The following INO80D variants were observed in gnomAD, a reference collection of about 807,000 sequenced individuals.
INO80D encodes INO80 complex subunit D.
INO80D carries 21 observed loss-of-function variants against 87.6 expected under a neutral mutation model. The ratio of observed to expected loss-of-function variants is 0.24; its 90% confidence interval spans 0.17 to 0.35. The LOEUF (loss-of-function observed/expected upper bound fraction) is 0.35, where lower values mean the gene tolerates loss of function less well. Ranked by LOEUF, INO80D falls within the 10% of genes least tolerant of loss-of-function variation. INO80D has a pLI of 1.00. For synonymous variants in INO80D, 440 were observed against 491.0 expected (o/e 0.90, Z 1.37); for missense variants, 982 against 1,280.7 (o/e 0.77, Z 3.56).
chr2:206,009,286 G>C (rs1227065488), intron 9 of INO80D, among the ~76,000 whole-genome samples: 1 of 152,112 alleles, frequency 6.6e-6, no homozygotes, highest in Non-Finnish European at 1.5e-5. Flanking sequence ...TGGCCTGGGA[G>C]ACAGAGCAAG....
intron 1 of INO80D, among the ~76,000 whole-genome samples, chr2:206,070,273 A>T (rs1238774004): frequency 6.6e-6 from 1 of 151,646 alleles, no homozygotes; most frequent in African/African-American, 2.4e-5. Context: ...ACAACACAAA[A>T]ATTAGCTGGG....
chr2:206,023,294 T>C (rs989661844), intron 6 of INO80D, among the ~76,000 whole-genome samples: 1 of 152,136 alleles, frequency 6.6e-6, no homozygotes, highest in Non-Finnish European at 1.5e-5. Flanking sequence ...TTTATGTATC[T>C]TTTTTTGAAA....
intron 5 of INO80D, among the ~76,000 whole-genome samples, chr2:206,044,156 G>A (rs1188700726): frequency 1.3e-5 from 2 of 152,028 alleles, no homozygotes; most frequent in African/African-American, 4.8e-5. Context: ...TCATGCCACT[G>A]CACTCTACTG....
In INO80D at chr2:206,063,196, A is replaced by G; in HGVS notation, c.-75T>C. On this transcript the variant is annotated 5_prime_UTR_variant, in exon 2 of 11. Transcript: ENST00000403263. ...CCATAGCAATGTTAAGAGAACCCCCAAGGATACCACAGTTTGGAATGCCGC... is the reference window on the plus strand; with the variant it reads ...CCATAGCAATGTTAAGAGAACCCCCGAGGATACCACAGTTTGGAATGCCGC... 6 of 607,122 alleles carry G rather than the reference A, an allele frequency of 9.9e-6. No individual in the cohort carries two copies. The highest frequency in any genetic ancestry group is 2.1e-5 in the South Asian group (1 of 47,706). The allele number at this position is 607,122 out of a possible 1,614,324, so 37.6% of individuals were successfully genotyped here.
chr2:206,075,733 C>A (rs953998307), intron 1 of INO80D, among the ~76,000 whole-genome samples: 1 of 151,542 alleles, frequency 6.6e-6, no homozygotes, highest in African/African-American at 2.4e-5. Context: ...CCACCGTGCC[C>A]AGTTCATACC....
chr2:206,018,489 T>A (rs2105816349), intron 7 of INO80D, among the ~76,000 whole-genome samples: 1 of 152,276 alleles, frequency 6.6e-6, no homozygotes, highest in Non-Finnish European at 1.5e-5. Flanking sequence ...GAAAATTTTC[T>A]GCCTATGATA....
At position 206,001,563 on chromosome 2, in the gene INO80D, A is replaced by G. The variant is rs1229731089; in HGVS notation, c.*2805T>C. 1 of 152,224 alleles carries G rather than the reference A, an allele frequency of 6.6e-6. No individual in the cohort carries two copies. The highest frequency in any genetic ancestry group is 6.5e-5 in the Admixed American group (1 of 15,278). The allele number at this position is 152,224 out of a possible 1,614,324, so 9.4% of individuals were successfully genotyped here. A position where few individuals can be genotyped will look rare whatever the true frequency, so the allele number is the denominator to read the frequency against. On this transcript the variant is annotated 3_prime_UTR_variant, in exon 11 of 11. Coordinates refer to ENST00000403263, the MANE Select transcript of INO80D (RefSeq NM_017759.5). ...ATACTAATTTTCATATTTCTGGAGTAAAAGCCACTTCATTCCTTTCTATAC... is the reference window on the plus strand; with the variant it reads ...ATACTAATTTTCATATTTCTGGAGTGAAAGCCACTTCATTCCTTTCTATAC...
intron 3 of INO80D, among the ~76,000 whole-genome samples, chr2:206,060,463 C>A (rs1230253204): frequency 6.7e-6 from 1 of 150,108 alleles, no homozygotes; most frequent in Non-Finnish European, 1.5e-5. Flanking sequence ...AATCAGGAGG[C>A]AGAGGTTGCA....
At chr2:206,056,133 C>A in intron 4 of INO80D, 65 bp downstream of exon 4, 1 of 1,463,360 alleles carries the variant, frequency 6.8e-7, no homozygotes, top group Non-Finnish European at 9.2e-7. Flanking sequence ...GAAAGGGAAG[C>A]TCCACACAAC....
Position 206,046,621 on chromosome 2 carries a change from G to C in INO80D, c.965-9C>G. 8 of 1,564,084 alleles carry C rather than the reference G, an allele frequency of 5.1e-6. No homozygotes were observed. The highest frequency in any genetic ancestry group is 7.0e-6 in the Non-Finnish European group (8 of 1,140,098). On this transcript the variant is annotated splice_polypyrimidine_tract_variant and intron_variant, in intron 4 of 10. Coordinates refer to ENST00000403263, the MANE Select transcript of INO80D (RefSeq NM_017759.5). ...TTCAGACCAGTCCAAACCTGGGTTA[G>C]ACAGGAGATATTGCAAATTAGAAAA...
rs980507301 is a variant in INO80D, at chr2:206,078,118, G to T, written c.-124+7783C>A. Reference sequence around the variant, plus strand: ...GACCCAGAACTTCCAGCTCTTCCATGTTATTAAAAGAAGATAGGGCCAAGC... The same window carrying T: ...GACCCAGAACTTCCAGCTCTTCCATTTTATTAAAAGAAGATAGGGCCAAGC... On this transcript the variant is annotated intron_variant, in intron 1 of 10. Coordinates refer to ENST00000403263, the MANE Select transcript of INO80D (RefSeq NM_017759.5). Among the ~76,000 whole-genome samples the T allele has an allele frequency of 3.7e-5, 5 of 133,546 alleles. No homozygotes were observed. In the East Asian group the frequency reaches 1.2e-3, roughly 33 times the overall value. The allele number at this position is 133,546 out of a possible 152,430, so 87.6% of individuals were successfully genotyped here. A position where few individuals can be genotyped will look rare whatever the true frequency, so the allele number is the denominator to read the frequency against.
chr2:206,029,738 A>G (rs972268997), intron 5 of INO80D, among the ~76,000 whole-genome samples: 2 of 152,188 alleles, frequency 1.3e-5, no homozygotes, highest in Admixed American at 1.3e-4. Flanking sequence ...CATTTATTCA[A>G]CATTCAACAT....
Position 206,063,194 on chromosome 2 carries a change from C to T in INO80D, c.-73G>A, listed in dbSNP as rs1022947839. On this transcript the variant is annotated 5_prime_UTR_variant, in exon 2 of 11. Transcript: ENST00000403263. ...CACCATAGCAATGTTAAGAGAACCC[C>T]CAAGGATACCACAGTTTGGAATGCC... 1.7e-6 allele frequency: 1 copy of T among 605,652 alleles called. No homozygotes were observed. The highest frequency in any genetic ancestry group is 2.9e-6 in the Non-Finnish European group (1 of 348,562). The allele number at this position is 605,652 out of a possible 1,614,324, so 37.5% of individuals were successfully genotyped here. A position where few individuals can be genotyped will look rare whatever the true frequency, so the allele number is the denominator to read the frequency against.
rs1402592804 is a variant in INO80D, at chr2:206,017,631, TAC to T, written c.1542+47_1542+48del. On this transcript the variant is annotated intron_variant, in intron 8 of 10. Transcript: ENST00000403263. ...TTGTGCTAAGTTATAAAATACTTCC[TAC>T]AGTGGATAGCTACAAAAAGTTTGAA... 2.8e-6 allele frequency: 4 copies of T among 1,447,298 alleles called. No homozygotes were observed. The Admixed American group carries it at 1.0e-4, about 38-fold the overall frequency. 89.7% of individuals were successfully genotyped at this position (1,447,298 alleles called of 1,614,324 possible).
At chr2:206,015,887 CAA>C (rs879430832) in intron 8 of INO80D, among the ~76,000 whole-genome samples, 1 of 142,078 alleles carries the variant, frequency 7.0e-6, no homozygotes, top group Non-Finnish European at 1.5e-5. Context: ...ACTCTGTCTC[CAA>C]AAAAAAAAAA....
chr2:206,008,176 G>GT (rs1688077623), intron 9 of INO80D, among the ~76,000 whole-genome samples: 1 of 151,820 alleles, frequency 6.6e-6, no homozygotes, highest in Non-Finnish European at 1.5e-5. Flanking sequence ...TAGAGACGGG[G>GT]TTTACCCATG....
chr2:206,045,222 C>G (rs897847929), intron 5 of INO80D, among the ~76,000 whole-genome samples: 1 of 152,018 alleles, frequency 6.6e-6, no homozygotes, highest in Non-Finnish European at 1.5e-5. Flanking sequence ...GTTTAGTGAC[C>G]ATTTGTACTA....
intron 5 of INO80D, among the ~76,000 whole-genome samples, chr2:206,039,801 C>T (rs1159532562): frequency 7.9e-6 from 1 of 126,030 alleles, no homozygotes; most frequent in Non-Finnish European, 1.7e-5. Flanking sequence ...CAGAGTGAGC[C>T]TCTGTCTCCA....
chr2:206,019,195 C>T (rs1178673747), intron 7 of INO80D, among the ~76,000 whole-genome samples: 1 of 152,198 alleles, frequency 6.6e-6, no homozygotes, highest in African/African-American at 2.4e-5. Flanking sequence ...AATAAGATTT[C>T]ATCACCAACC....
Sources: allele counts gnomAD v4.1 joint callset (sites outside exome capture counted in the v4.1 genomes callset), GRCh38; gene constraint gnomAD v4.1.1; transcripts MANE v1.5; gene names NCBI Gene and HGNC (gene_info 2026-07-23, HGNC 2026-07-21).